Variants in CSMD1 observed in about 807,000 individuals in gnomAD.
CSMD1 encodes CUB and Sushi multiple domains 1, also known as CUB and sushi domain-containing protein 1.
Under a neutral mutation model 417.5 loss-of-function variants are expected in CSMD1, and 213 were observed. That is an observed-to-expected ratio of 0.51 (90% CI 0.46 to 0.57). The LOEUF is 0.57. Among genes scored for constraint, CSMD1 ranks in the 20% least tolerant of loss-of-function variants. The probability of loss-of-function intolerance (pLI) is 0.00; values close to 1 mark genes in which losing one functional copy is unlikely to be tolerated. For synonymous variants in CSMD1, 2,862 were observed against 1,736.8 expected (o/e 1.65, Z -16.11); for missense variants, 6,923 against 4,529.7 (o/e 1.53, Z -15.17).
At chr8:4,294,617 C>T (rs1465501782) in intron 3 of CSMD1, among the ~76,000 whole-genome samples, 1 of 152,128 alleles carries the variant, frequency 6.6e-6, no homozygotes, top group Non-Finnish European at 1.5e-5. Context: ...AGACCCTGAA[C>T]ATTCCAGAAC....
chr8:3,314,563 G>C (rs941172693), intron 23 of CSMD1, among the ~76,000 whole-genome samples: 4 of 152,142 alleles, frequency 2.6e-5, no homozygotes, highest in South Asian at 4.1e-4. Flanking sequence ...ATCAAAACTT[G>C]AATGTATTTA....
intron 5 of CSMD1, among the ~76,000 whole-genome samples, chr8:3,819,561 CGT>C: frequency 6.7e-6 from 1 of 149,774 alleles, no homozygotes; most frequent in East Asian, 2.0e-4. Flanking sequence ...CACACACACA[CGT>C]ATGTATATAA....
intron 5 of CSMD1, among the ~76,000 whole-genome samples, chr8:3,964,409 C>G (rs1221358531): frequency 6.6e-6 from 1 of 152,098 alleles, no homozygotes; most frequent in African/African-American, 2.4e-5. Context: ...TAGCATAGCT[C>G]CTGTTTTTTG....
intron 5 of CSMD1, among the ~76,000 whole-genome samples, chr8:3,956,219 T>A (rs972449095): frequency 6.6e-6 from 1 of 152,132 alleles, no homozygotes; most frequent in African/African-American, 2.4e-5. Flanking sequence ...TAGCATATAA[T>A]GTGCCAGGTG....
At chr8:4,466,094 T>C (rs892528063) in intron 2 of CSMD1, among the ~76,000 whole-genome samples, 15 of 152,320 alleles carry the variant, frequency 9.8e-5, no homozygotes, top group Admixed American at 8.5e-4. Flanking sequence ...TTAAATATCA[T>C]GACACCAGCT....
intron 3 of CSMD1, among the ~76,000 whole-genome samples, chr8:4,072,686 T>C (rs1047445904): frequency 1.5e-4 from 23 of 152,210 alleles, no homozygotes; most frequent in Non-Finnish European, 8.8e-5. Context: ...TCTCCTAGAA[T>C]GATTTCAACT....
At chr8:3,160,245 C>T (rs1011887424) in intron 38 of CSMD1, among the ~76,000 whole-genome samples, 16 of 152,144 alleles carry the variant, frequency 1.1e-4, no homozygotes, top group Admixed American at 3.3e-4. Context: ...ACCTCAGCCT[C>T]CCAGGTAACT....
chr8:3,112,219 A>T (rs190482574), intron 42 of CSMD1, among the ~76,000 whole-genome samples: 52 of 152,310 alleles, frequency 3.4e-4, no homozygotes, highest in Admixed American at 5.9e-4. Flanking sequence ...GAGAATAACC[A>T]GAGAGCACTT....
Position 3,555,809 on chromosome 8 carries a change from T to C in CSMD1, c.1344+19136A>G, listed in dbSNP as rs1050821755. On this transcript the variant is annotated intron_variant, in intron 10 of 69. Coordinates refer to ENST00000635120, the MANE Select transcript of CSMD1 (RefSeq NM_033225.6). Reference sequence around the variant, plus strand: ...TATGGTTAGGCAGACAGTTGTATGGTTATAGACAAAATCTTCGGTGCCAAA... The same window carrying C: ...TATGGTTAGGCAGACAGTTGTATGGCTATAGACAAAATCTTCGGTGCCAAA... Among the ~76,000 whole-genome samples the C allele has an allele frequency of 3.3e-5, 5 of 152,180 alleles. No individual in the cohort carries two copies. The East Asian group carries it at 9.6e-4, about 29-fold the overall frequency.
intron 16 of CSMD1, among the ~76,000 whole-genome samples, chr8:3,398,837 A>G (rs937592039): frequency 3.3e-5 from 5 of 152,220 alleles, no homozygotes; most frequent in African/African-American, 7.2e-5. Flanking sequence ...GCAGCCCAGC[A>G]TGCTTATTTT....
At chr8:3,312,558 G>A (rs1038248854) in intron 23 of CSMD1, among the ~76,000 whole-genome samples, 2 of 152,146 alleles carry the variant, frequency 1.3e-5, no homozygotes, top group African/African-American at 4.8e-5. Context: ...GCTCCTCGCA[G>A]GATTTGATGG....
chr8:3,256,893 A>C (rs970285802), intron 26 of CSMD1, among the ~76,000 whole-genome samples: 2 of 152,254 alleles, frequency 1.3e-5, no homozygotes, highest in African/African-American at 4.8e-5. Context: ...TTAGCCAAAA[A>C]AATTCACAAT....
intron 3 of CSMD1, among the ~76,000 whole-genome samples, chr8:4,199,653 T>C (rs1158174276): frequency 6.6e-6 from 1 of 152,102 alleles, no homozygotes; most frequent in Non-Finnish European, 1.5e-5. Context: ...CAACCCAAGC[T>C]CAGTGTATGA....
intron 3 of CSMD1, among the ~76,000 whole-genome samples, chr8:4,291,407 A>T (rs942257655): frequency 1.2e-4 from 19 of 152,162 alleles, no homozygotes; most frequent in African/African-American, 4.3e-4. Context: ...AAATCTCCAT[A>T]ATTAAAATAC....
At chr8:4,828,321 A>T (rs1367287093) in intron 1 of CSMD1, among the ~76,000 whole-genome samples, 2 of 152,188 alleles carry the variant, frequency 1.3e-5, no homozygotes, top group Admixed American at 1.3e-4. Flanking sequence ...GACTTTTCTT[A>T]TAGCCACAAG....
chr8:3,801,211 C>A (rs188919037), intron 5 of CSMD1, among the ~76,000 whole-genome samples: 2 of 150,834 alleles, frequency 1.3e-5, no homozygotes, highest in South Asian at 2.1e-4. Flanking sequence ...AATACTACAT[C>A]CAAAACGGTC....
intron 57 of CSMD1, among the ~76,000 whole-genome samples, chr8:2,971,416 G>T (rs1804446619): frequency 1.3e-5 from 2 of 152,246 alleles, no homozygotes; most frequent in South Asian, 4.1e-4. Context: ...CGTGAACACG[G>T]GCAAGCTGAT....
chr8:3,919,846 C>G (rs1809106246), intron 5 of CSMD1, among the ~76,000 whole-genome samples: 1 of 151,962 alleles, frequency 6.6e-6, no homozygotes, highest in Non-Finnish European at 1.5e-5. Flanking sequence ...GATCATTCAC[C>G]TCCTTGGTTA....
intron 1 of CSMD1, among the ~76,000 whole-genome samples, chr8:4,890,515 G>A (rs1409809590): frequency 6.6e-6 from 1 of 151,448 alleles, no homozygotes; most frequent in African/African-American, 2.4e-5. Flanking sequence ...GGGCAGGACA[G>A]GTGAGAGCGT....
Sources: gnomAD v4.1 joint callset for allele counts (sites outside exome capture counted in the v4.1 genomes callset) on GRCh38, gnomAD v4.1.1 for gene constraint, MANE v1.5 for transcripts, NCBI Gene and HGNC (gene_info 2026-07-23, HGNC 2026-07-21) for gene names.